The following DPP6 variants were observed in gnomAD, a reference collection of about 807,000 sequenced individuals.
DPP6 encodes A-type potassium channel modulatory protein DPP6.
A neutral mutation model predicts 122.6 loss-of-function variants in DPP6; 69 were observed. The observed-to-expected ratio is 0.56, with a 90% CI of 0.46 to 0.69. DPP6 has a LOEUF of 0.69. Among genes scored for constraint, DPP6 ranks in the 30% least tolerant of loss-of-function variants. The pLI, the probability that DPP6 is intolerant of heterozygous loss-of-function variation, is 0.00. For synonymous variants in DPP6, 418 were observed against 433.1 expected (o/e 0.97, Z 0.43); for missense variants, 928 against 1,116.9 (o/e 0.83, Z 2.41).
chr7:154,761,929 G>A (rs918261707), intron 8 of DPP6, among the ~76,000 whole-genome samples: 3 of 152,090 alleles, frequency 2.0e-5, no homozygotes, highest in Non-Finnish European at 4.4e-5. Flanking sequence ...CCACCTATGA[G>A]TGAGAACATG....
At chr7:154,157,287 A>G (rs1459866888) in intron 1 of DPP6, among the ~76,000 whole-genome samples, 1 of 152,222 alleles carries the variant, frequency 6.6e-6, no homozygotes, top group Admixed American at 6.5e-5. Context: ...TGCCTCTCCA[A>G]CTTTGCTGAG....
At chr7:154,104,147 G>C (rs1563202993) in intron 1 of DPP6, among the ~76,000 whole-genome samples, 1 of 152,208 alleles carries the variant, frequency 6.6e-6, no homozygotes, top group African/African-American at 2.4e-5. Flanking sequence ...CTTCTACGTG[G>C]CCTCACGGAA....
intron 7 of DPP6, among the ~76,000 whole-genome samples, chr7:154,671,120 G>A (rs951298357): frequency 6.6e-5 from 10 of 152,218 alleles, no homozygotes; most frequent in African/African-American, 1.9e-4. Context: ...TTTGATAAGA[G>A]ATTGTAGAAG....
intron 6 of DPP6, among the ~76,000 whole-genome samples, chr7:154,649,683 C>T (rs547226664): frequency 6.6e-6 from 1 of 152,372 alleles, no homozygotes; most frequent in East Asian, 1.9e-4. Flanking sequence ...CTTTCTCTAC[C>T]TGGCACCTGG....
intron 1 of DPP6, among the ~76,000 whole-genome samples, chr7:154,269,374 T>C (rs1803644598): frequency 6.6e-6 from 1 of 152,186 alleles, no homozygotes; most frequent in Non-Finnish European, 1.5e-5. Flanking sequence ...AATAGTTGAA[T>C]AAAGTGAAGC....
intron 3 of DPP6, among the ~76,000 whole-genome samples, chr7:154,484,756 T>G (rs1333098534): frequency 2.0e-5 from 3 of 152,226 alleles, no homozygotes; most frequent in Non-Finnish European, 4.4e-5. Context: ...GAGCCCTCTG[T>G]GTCTCTAGGA....
At chr7:154,051,363 G>A (rs1800301067), upstream of DPP6, among the ~76,000 whole-genome samples, 1 of 146,302 alleles carries the variant, frequency 6.8e-6, no homozygotes, top group South Asian at 2.2e-4. Flanking sequence ...GGAGGACGTG[G>A]GGACGAGACG....
chr7:153,793,488 T>G, the DPP6 span, among the ~76,000 whole-genome samples: 2 of 148,230 alleles, frequency 1.3e-5, no homozygotes, highest in African/African-American at 5.0e-5. Flanking sequence ...AAGAGGTAAC[T>G]TGGGTGCTGT....
At chr7:154,263,659 C>A (rs554861778) in intron 1 of DPP6, among the ~76,000 whole-genome samples, 1 of 152,078 alleles carries the variant, frequency 6.6e-6, no homozygotes, top group Admixed American at 6.6e-5. Context: ...GCATTCCAAA[C>A]AGTCCTCTGT....
chr7:153,897,644 T>G (rs1189030505), intron 1 of DPP6, among the ~76,000 whole-genome samples: 1 of 152,254 alleles, frequency 6.6e-6, no homozygotes, highest in Non-Finnish European at 1.5e-5. Flanking sequence ...ATGTCTCTAT[T>G]TCTTTCAACT....
intron 1 of DPP6, among the ~76,000 whole-genome samples, chr7:154,323,174 A>T (rs2151021872): frequency 6.6e-6 from 1 of 152,344 alleles, no homozygotes; most frequent in East Asian, 1.9e-4. Flanking sequence ...GAGCTATTGT[A>T]AGCTTGACAA....
chr7:154,484,851 A>G (rs371956745), intron 3 of DPP6, among the ~76,000 whole-genome samples: 14 of 152,316 alleles, frequency 9.2e-5, no homozygotes, highest in African/African-American at 3.4e-4. Context: ...GATACTGGAA[A>G]AGTATATGTT....
chr7:154,563,872 G>T (rs1830579656), intron 4 of DPP6, among the ~76,000 whole-genome samples: 1 of 152,114 alleles, frequency 6.6e-6, no homozygotes, highest in African/African-American at 2.4e-5. Flanking sequence ...GGTCTGGGCT[G>T]GAGACATGAA....
At chr7:153,832,340 G>A in the DPP6 span, among the ~76,000 whole-genome samples, 5 of 152,174 alleles carry the variant, frequency 3.3e-5, no homozygotes, top group South Asian at 2.1e-4. Context: ...CAGCCACGAG[G>A]GGGCTCCTGT....
chr7:154,704,381 G>A (rs1019544278), intron 7 of DPP6, among the ~76,000 whole-genome samples: 6 of 152,354 alleles, frequency 3.9e-5, no homozygotes, highest in African/African-American at 9.6e-5. Flanking sequence ...AGAGGATTTA[G>A]AATATTCCAT....
chr7:154,751,348 C>T (rs1187025607), intron 8 of DPP6, among the ~76,000 whole-genome samples: 2 of 151,926 alleles, frequency 1.3e-5, no homozygotes, highest in Non-Finnish European at 2.9e-5. Context: ...GCCTGTAATC[C>T]CAGCACTTTG....
chr7:154,845,452 A>G (rs1397243300), intron 16 of DPP6, among the ~76,000 whole-genome samples: 1 of 152,250 alleles, frequency 6.6e-6, no homozygotes, highest in Non-Finnish European at 1.5e-5. Context: ...CAATGCCATT[A>G]AAGTGGACGA....
Position 154,609,164 on chromosome 7 carries a change from C to T in DPP6, c.628-28657C>T, listed in dbSNP as rs138703868. 9.3e-4 allele frequency among the ~76,000 whole-genome samples: 141 copies of T among 152,290 alleles called. 1 individual carries two copies. Among genetic ancestry groups the T allele is most frequent in the African/African-American group, 3.1e-3 (129 of 41,556 alleles). On this transcript the variant is annotated intron_variant, in intron 5 of 25. Transcript: ENST00000377770. The stretch of plus-strand genomic sequence containing the variant: ...TGGCATCTAGATATTTCCCTTATTT[C>T]GCACTTTACGTATTCTCGAACAGTT...
chr7:153,794,178 T>A, the DPP6 span, among the ~76,000 whole-genome samples: 168 of 152,284 alleles, frequency 1.1e-3, no homozygotes, highest in Middle Eastern at 3.4e-3. Context: ...GAATGGTAGA[T>A]CCACCAACAG....
Sources: gnomAD v4.1 joint callset for allele counts (sites outside exome capture counted in the v4.1 genomes callset) on GRCh38, gnomAD v4.1.1 for gene constraint, MANE v1.5 for transcripts, NCBI Gene and HGNC (gene_info 2026-07-23, HGNC 2026-07-21) for gene names.